SLC12A3: variants seen among roughly 807,000 people sequenced by gnomAD.
SLC12A3 encodes the protein solute carrier family 12 member 3, also known as Na-Cl cotransporter.
A neutral mutation model predicts 121.0 loss-of-function variants in SLC12A3; 104 were observed. The ratio of observed to expected loss-of-function variants is 0.86; its 90% CI spans 0.73 to 1.01. SLC12A3 has a LOEUF of 1.01. Among genes scored for constraint, SLC12A3 ranks in the 50% least tolerant of loss-of-function variants. The probability of loss-of-function intolerance (pLI) is 0.00; values close to 1 mark genes in which losing one functional copy is unlikely to be tolerated. For synonymous variants in SLC12A3, 536 were observed against 533.4 expected (o/e 1.00, Z -0.07); for missense variants, 1,328 against 1,356.3 (o/e 0.98, Z 0.33).
chr16:56,867,629 G>A (rs1218941472), intron 2 of SLC12A3, among the ~76,000 whole-genome samples: 1 of 152,204 alleles, frequency 6.6e-6, no homozygotes, highest in Non-Finnish European at 1.5e-5. Context: ...GGAGGCAGGA[G>A]GCTGGGGTTC....
intron 13 of SLC12A3, among the ~76,000 whole-genome samples, chr16:56,882,842 T>G (rs2055259287): frequency 6.6e-6 from 1 of 151,710 alleles, no homozygotes; most frequent in African/African-American, 2.4e-5. Flanking sequence ...TTCGGGAGGC[T>G]GAGGCAGGAG....
chr16:56,873,314 A>G (rs1241888888), intron 8 of SLC12A3, among the ~76,000 whole-genome samples: 1 of 141,156 alleles, frequency 7.1e-6, no homozygotes, highest in Non-Finnish European at 1.5e-5. Flanking sequence ...TGCGCTCTCT[A>G]CCTGCAACTC....
At chr16:56,897,108 T>G (rs2055475751) in intron 22 of SLC12A3, among the ~76,000 whole-genome samples, 1 of 150,348 alleles carries the variant, frequency 6.7e-6, no homozygotes, top group African/African-American at 2.5e-5. Context: ...AAAAAAAGTA[T>G]CTAATTCAGA....
intron 8 of SLC12A3, among the ~76,000 whole-genome samples, chr16:56,877,553 T>C (rs998894093): frequency 1.3e-5 from 2 of 152,218 alleles, no homozygotes; most frequent in Admixed American, 1.3e-4. Context: ...TTGAACACGC[T>C]GTGAGGGCTG....
Position 56,882,388 on chromosome 16 carries a change from C to T in SLC12A3, c.1568-8C>T. On this transcript the variant is annotated splice_polypyrimidine_tract_variant and splice_region_variant and intron_variant, in intron 12 of 25. Coordinates refer to ENST00000563236, the MANE Select transcript of SLC12A3 (RefSeq NM_001126108.2). ...CAGGCTGTCCTCTCTCTCCCTGGGT[C>T]CCCGAAGCTGAGCTCAACACCATAG... 6.2e-7 allele frequency: 1 copy of T among 1,610,986 alleles called. No individual in the cohort carries two copies. The highest frequency in any genetic ancestry group is 8.5e-7 in the Non-Finnish European group (1 of 1,177,118).
chr16:56,914,728 G>C lies in SLC12A3; in HGVS notation c.*1323G>C, dbSNP rs886052170. ...TTAAAGAAGGGGCAAGGTTGAAGGA[G>C]TCTAGTGGCAAGGGTAAGATTTCAG... On this transcript the variant is annotated 3_prime_UTR_variant, in exon 26 of 26. Coordinates refer to ENST00000563236, the MANE Select transcript of SLC12A3 (RefSeq NM_001126108.2). 6.6e-6 allele frequency: 1 copy of C among 152,396 alleles called. No homozygotes were observed. The allele number at this position is 152,396 out of a possible 1,614,324, so 9.4% of individuals were successfully genotyped here.
intron 10 of SLC12A3, 85 bp downstream of exon 10, chr16:56,879,312 G>A: frequency 1.3e-6 from 2 of 1,563,844 alleles, no homozygotes; most frequent in South Asian, 2.2e-5. Flanking sequence ...AAGTTTGTTG[G>A]GGGGACATAG....
At position 56,887,167 on chromosome 16, in the gene SLC12A3, G is replaced by A. The variant is rs35111879; in HGVS notation, c.2178+74G>A. The A allele has an allele frequency of 1.2e-3, 1,950 of 1,601,626 alleles. 21 individuals carry two copies. The African/African-American group carries it at 0.022, about 18-fold the overall frequency. Reference sequence around the variant, plus strand: ...AACCTGGAAGGCAGAAAGTCTTGGCGGCCCCTTTGCTTAAGCCCCTTTTGC... The same window carrying A: ...AACCTGGAAGGCAGAAAGTCTTGGCAGCCCCTTTGCTTAAGCCCCTTTTGC... On this transcript the variant is annotated intron_variant, in intron 17 of 25. Transcript: ENST00000563236.
Position 56,867,096 on chromosome 16 carries a change from G to A in SLC12A3, c.309G>A (p.Leu103=), listed in dbSNP as rs1334492083. The part of the protein sequence containing the change: ...LKQEGRHLHA[L]AFDSRPSHEM... Reference sequence around the variant, plus strand: ...AGGAAGGCAGACACCTGCATGCCCTGGCCTTTGACAGCCGGCCCAGCCACG... The same window carrying A: ...AGGAAGGCAGACACCTGCATGCCCTAGCCTTTGACAGCCGGCCCAGCCACG... Residue 103 remains leucine, a synonymous_variant, in exon 2 of 26, where the codon CTG becomes CTA. Coordinates refer to ENST00000563236, the MANE Select transcript of SLC12A3 (RefSeq NM_001126108.2). The A allele has an allele frequency of 1.2e-6, 2 of 1,613,654 alleles. No homozygotes were observed. The highest frequency in any genetic ancestry group is 1.3e-5 in the African/African-American group (1 of 74,938).
At position 56,890,351 on chromosome 16, in the gene SLC12A3, C is replaced by T. The variant is rs147517227; in HGVS notation, c.2363C>T (p.Ala788Val). ...EGLNVSKMMQ[A>V]HINPVFDPAE... ...CTCAACGTGTCCAAGATGATGCAGG[C>T]GCACAGTGAGTACATGCCCCACCCA... The change falls in exon 19 of 26, where the codon GCG becomes GTG. Residue 788 changes from alanine to valine, a missense_variant. By Grantham distance (64) the Ala-to-Val change is moderately conservative (BLOSUM62 0). Coordinates refer to ENST00000563236, the MANE Select transcript of SLC12A3 (RefSeq NM_001126108.2). The T allele has an allele frequency of 6.0e-5, 97 of 1,613,652 alleles. No homozygotes were observed. In the African/African-American group the frequency reaches 8.8e-4, roughly 15 times the overall value.
intron 14 of SLC12A3, among the ~76,000 whole-genome samples, chr16:56,884,529 CA>C (rs1404628401): frequency 6.6e-6 from 1 of 152,210 alleles, no homozygotes; most frequent in Non-Finnish European, 1.5e-5. Context: ...GGCTGCTGTG[CA>C]CACCTAGGCC....
chr16:56,873,001 A>G (rs569136951), intron 8 of SLC12A3, among the ~76,000 whole-genome samples: 81 of 152,256 alleles, frequency 5.3e-4, no homozygotes, highest in African/African-American at 1.9e-3. Flanking sequence ...GGCTTGAGGG[A>G]CACCACAGAA....
chr16:56,904,331 C>T (rs751805544), intron 24 of SLC12A3, 64 bp from the exon 25 acceptor site: 25 of 1,396,104 alleles, frequency 1.8e-5, no homozygotes, highest in African/African-American at 1.3e-4. Context: ...AGGCCATAGA[C>T]GTGGTGAAGG....
At chr16:56,912,503 G>A (rs2055699549) in intron 25 of SLC12A3, among the ~76,000 whole-genome samples, 1 of 152,196 alleles carries the variant, frequency 6.6e-6, no homozygotes, top group East Asian at 1.9e-4. Context: ...TGAATGAACA[G>A]GAACATATCA....
At chr16:56,912,946 AT>A (rs1168684457) in intron 25 of SLC12A3, among the ~76,000 whole-genome samples, 2 of 151,972 alleles carry the variant, frequency 1.3e-5, no homozygotes, top group Admixed American at 6.6e-5. Flanking sequence ...TGAGCTTGGC[AT>A]TTTTTTAGGA....
chr16:56,890,462 A>T (rs1396711896), intron 19 of SLC12A3, 106 bp downstream of exon 19: 1 of 936,876 alleles, frequency 1.1e-6, no homozygotes, highest in Admixed American at 2.0e-5. Context: ...AGACTCATAG[A>T]AAGTCGCCTC....
At position 56,879,122 on chromosome 16, in the gene SLC12A3, C is replaced by A. The variant is rs1394781481; in HGVS notation, c.1230C>A (p.Thr410=). 17 of 1,613,722 alleles carry A rather than the reference C, an allele frequency of 1.1e-5. No individual in the cohort carries two copies. In the East Asian group the frequency reaches 3.8e-4, roughly 36 times the overall value. ...DASGVLNDTV[T]PGWGACEGLA... Reference sequence around the variant, plus strand: ...CTGGGGTCCTGAATGACACAGTGACCCCTGGCTGGGGTGCCTGCGAGGGGC... The same window carrying A: ...CTGGGGTCCTGAATGACACAGTGACACCTGGCTGGGGTGCCTGCGAGGGGC... The change falls in exon 10 of 26, where the codon ACC becomes ACA. Residue 410 remains threonine, a synonymous_variant. Transcript: ENST00000563236.
chr16:56,913,155 G>GCT (rs1442485951), intron 25 of SLC12A3, 109 bp from the exon 26 acceptor site: 1 of 1,430,812 alleles, frequency 7.0e-7, no homozygotes, highest in African/African-American at 1.4e-5. Context: ...GGTGGAAGGA[G>GCT]CTCTGAGGGA....
Position 56,913,274 on chromosome 16 carries a change from A to C in SLC12A3, c.2935A>C (p.Ile979Leu), listed in dbSNP as rs777582829. 2.5e-6 allele frequency: 4 copies of C among 1,614,026 alleles called. No individual in the cohort carries two copies. Among genetic ancestry groups the C allele is most frequent in the Non-Finnish European group, 2.5e-6 (3 of 1,180,038 alleles). ...DAALIVITLPIGRKGKCPSSL... is the reference protein window; with the variant it reads ...DAALIVITLPLGRKGKCPSSL... ...TTTCATGCCTTGCAGCACTTTGCCC[A>C]TAGGGAGGAAGGGGAAGTGCCCCAG... Residue 979 changes from isoleucine to leucine, a missense_variant, in exon 26 of 26, where the codon ATA becomes CTA. Coordinates refer to ENST00000563236, the MANE Select transcript of SLC12A3 (RefSeq NM_001126108.2).
Sources: allele counts gnomAD v4.1 joint callset (sites outside exome capture counted in the v4.1 genomes callset), GRCh38; gene constraint gnomAD v4.1.1; transcripts MANE v1.5; gene names NCBI Gene and HGNC (gene_info 2026-07-23, HGNC 2026-07-21).